PLS1: variants seen among roughly 807,000 people sequenced by gnomAD.
PLS1 encodes the protein plastin 1, also known as plastin-1.
In PLS1, 32 loss-of-function variants were observed where a neutral mutation model predicts 73.7. That is an observed-to-expected ratio of 0.43 (90% CI 0.33 to 0.58). The LOEUF is 0.58. Among genes scored for constraint, PLS1 ranks in the 20% least tolerant of loss-of-function variants. The probability of loss-of-function intolerance (pLI) is 0.04; values close to 1 mark genes in which losing one functional copy is unlikely to be tolerated. For synonymous variants in PLS1, 217 were observed against 261.3 expected, an observed-to-expected ratio of 0.83 and a Z score of 1.63; for missense variants, 633 against 740.5, an observed-to-expected ratio of 0.85 and a Z score of 1.68.
intron 9 of PLS1, 76 bp downstream of exon 9, chr3:142,686,452 A>G (rs978616456): frequency 2.3e-6 from 2 of 884,378 alleles, no homozygotes; most frequent in South Asian, 2.7e-5. Flanking sequence ...TATCATTTTC[A>G]GTGTTCAGTT....
At chr3:142,635,414 G>A (rs2036657624) in intron 1 of PLS1, among the ~76,000 whole-genome samples, 1 of 145,324 alleles carries the variant, frequency 6.9e-6, no homozygotes, top group Admixed American at 7.0e-5. Context: ...ACATGGTGAA[G>A]TCTTGTCTCT....
chr3:142,695,770 T>A (rs1159887211), intron 11 of PLS1, among the ~76,000 whole-genome samples: 2 of 74,802 alleles, frequency 2.7e-5, no homozygotes, highest in Non-Finnish European at 6.8e-5. Context: ...ACTTATTTAT[T>A]TATTTATTTA....
intron 10 of PLS1, among the ~76,000 whole-genome samples, chr3:142,692,410 A>G (rs1447246428): frequency 1.3e-5 from 2 of 152,154 alleles, no homozygotes; most frequent in African/African-American, 2.4e-5. Flanking sequence ...TTAGCTGTCT[A>G]TAATCCAGAC....
At chr3:142,659,922 C>T (rs776587139) in intron 1 of PLS1, among the ~76,000 whole-genome samples, 2 of 152,120 alleles carry the variant, frequency 1.3e-5, no homozygotes, top group Non-Finnish European at 2.9e-5. Flanking sequence ...TCAATTAAAG[C>T]CTCTTTTTTC....
intron 2 of PLS1, among the ~76,000 whole-genome samples, chr3:142,666,254 CATT>C (rs1386065891): frequency 6.6e-6 from 1 of 152,178 alleles, no homozygotes; most frequent in Non-Finnish European, 1.5e-5. Context: ...CATTGTTCTA[CATT>C]CATCACCACC....
Position 142,712,043 on chromosome 3 carries a change from T to C in PLS1, c.*36T>C. 6.3e-7 allele frequency: 1 copy of C among 1,581,124 alleles called. No homozygotes were observed. The highest frequency in any genetic ancestry group is 8.7e-7 in the Non-Finnish European group (1 of 1,150,720). ...TGATTTTCTGCCACATTAAACATAT[T>C]GTATGCCTCACAGTTTACAGGATTC... is the stretch of plus-strand genomic sequence containing the variant. On this transcript the variant is annotated 3_prime_UTR_variant, in exon 16 of 16. Transcript: ENST00000457734.
intron 1 of PLS1, among the ~76,000 whole-genome samples, chr3:142,624,644 T>A (rs746390597): frequency 5.9e-5 from 9 of 152,232 alleles, no homozygotes; most frequent in Admixed American, 2.6e-4. Context: ...CTTTTTGCAG[T>A]GACCTGAGCT....
At position 142,683,995 on chromosome 3, in the gene PLS1, T is replaced by G; in HGVS notation, c.580-11T>G. The G allele has an allele frequency of 6.3e-7, 1 of 1,589,408 alleles. No individual in the cohort carries two copies. The highest frequency in any genetic ancestry group is 8.5e-7 in the Non-Finnish European group (1 of 1,169,968). On this transcript the variant is annotated splice_polypyrimidine_tract_variant and intron_variant, in intron 6 of 15. Coordinates refer to ENST00000457734, the MANE Select transcript of PLS1 (RefSeq NM_001145319.2). ...ACTTCCTCATGTGTACTTTTTTTTT[T>G]GGCAATTCAGGAAAATTTAAACCTA...
At chr3:142,674,765 G>A (rs1469343867) in intron 4 of PLS1, among the ~76,000 whole-genome samples, 1 of 152,114 alleles carries the variant, frequency 6.6e-6, no homozygotes, top group Non-Finnish European at 1.5e-5. Flanking sequence ...GTCTTGCTCT[G>A]TTGCCCAGGC....
At chr3:142,704,029 C>G (rs942656369) in intron 13 of PLS1, 28 bp downstream of exon 13, 2 of 1,597,548 alleles carry the variant, frequency 1.3e-6, no homozygotes, top group Non-Finnish European at 1.7e-6. Flanking sequence ...GGTAGCAACA[C>G]TGCCTGTTTC....
intron 1 of PLS1, among the ~76,000 whole-genome samples, chr3:142,659,605 C>T (rs2037320476): frequency 1.3e-5 from 2 of 151,510 alleles, no homozygotes; most frequent in Non-Finnish European, 2.9e-5. Flanking sequence ...AAGAGTAAGC[C>T]TCTTCCTAGT....
chr3:142,683,808 A>T (rs1194027398), intron 6 of PLS1, among the ~76,000 whole-genome samples, 198 bp from the exon 7 acceptor site: 4 of 152,040 alleles, frequency 2.6e-5, no homozygotes, highest in Non-Finnish European at 5.9e-5. Context: ...GGGTGGAAAT[A>T]GGGATTTGAA....
chr3:142,622,739 C>T (rs2036339988), intron 1 of PLS1, among the ~76,000 whole-genome samples: 1 of 152,182 alleles, frequency 6.6e-6, no homozygotes. Flanking sequence ...GGGGCATCTT[C>T]TGGTTTTAAC....
At chr3:142,670,717 C>T (rs573531678) in intron 3 of PLS1, among the ~76,000 whole-genome samples, 1 of 152,308 alleles carries the variant, frequency 6.6e-6, no homozygotes, top group African/African-American at 2.4e-5. Flanking sequence ...CTTAGGTTTT[C>T]AGTACAAAAG....
chr3:142,599,178 G>GAATGAATAAATA (rs368006727), intron 1 of PLS1, among the ~76,000 whole-genome samples: 112 of 147,062 alleles, frequency 7.6e-4, no homozygotes, highest in African/African-American at 2.7e-3. Flanking sequence ...ATGAATGAAT[G>GAATGAATAAATA]AATAAATAAA....
At chr3:142,605,536 A>G (rs1335380220) in intron 1 of PLS1, among the ~76,000 whole-genome samples, 1 of 152,014 alleles carries the variant, frequency 6.6e-6, no homozygotes, top group Non-Finnish European at 1.5e-5. Context: ...ATGCCCAGCT[A>G]ATTTTTGTAT....
At chr3:142,697,666 ATAGTTTACTTAACAGCTCCC>A (rs1210065532) in intron 11 of PLS1, among the ~76,000 whole-genome samples, 1 of 152,208 alleles carries the variant, frequency 6.6e-6, no homozygotes, top group Admixed American at 6.5e-5. Context: ...AGTTTATAGT[ATAGTTTACTTAACAGCTCCC>A]TACTGCCAGG....
intron 1 of PLS1, among the ~76,000 whole-genome samples, chr3:142,663,239 G>A (rs963949600): frequency 4.6e-5 from 7 of 151,976 alleles, no homozygotes; most frequent in East Asian, 1.9e-4. Context: ...AAGAAAGTAG[G>A]TCAGAAGGAT....
chr3:142,684,056 G>A lies in PLS1; in HGVS notation c.630G>A (p.Val210=), dbSNP rs1203289008. The change falls in exon 7 of 16, where the codon GTG becomes GTA. Residue 210 remains valine (V), a synonymous_variant. Coordinates refer to ENST00000457734, the MANE Select transcript of PLS1 (RefSeq NM_001145319.2). ...LNSASAIGCT[V]VNIGASDLKE... ...CTGCCTCAGCCATTGGTTGTACAGT[G>A]GTCAACATTGGTGCATCAGATCTCA... 1.2e-6 allele frequency: 2 copies of A among 1,613,608 alleles called. No homozygotes were observed. Among genetic ancestry groups the A allele is most frequent in the Non-Finnish European group, 1.7e-6 (2 of 1,179,714 alleles).
Sources: allele counts gnomAD v4.1 joint callset (sites outside exome capture counted in the v4.1 genomes callset), GRCh38; gene constraint gnomAD v4.1.1; transcripts MANE v1.5; gene names NCBI Gene and HGNC (gene_info 2026-07-23, HGNC 2026-07-21).